GALNT7: variants seen among roughly 807,000 people sequenced by gnomAD.
GALNT7 encodes N-acetylgalactosaminyltransferase 7.
GALNT7 carries 60 observed loss-of-function variants against 82.1 expected under a neutral mutation model. The observed-to-expected ratio is 0.73, with a 90% confidence interval of 0.59 to 0.91. GALNT7 has a LOEUF of 0.91. GALNT7 is among the 40% of genes least tolerant of loss of function. GALNT7 has a pLI of 0.00. For synonymous variants in GALNT7, 243 were observed against 275.1 expected (o/e 0.88, Z 1.15); for missense variants, 660 against 804.2 (o/e 0.82, Z 2.17).
rs71596614 is a variant in GALNT7 at position 173,266,868 on chromosome 4, G to GGTGTGTGT, written c.587+18480_587+18487dup. On this transcript the variant is annotated intron_variant, in intron 2 of 11. Coordinates refer to ENST00000265000, the MANE Select transcript of GALNT7 (RefSeq NM_017423.3). ...ATGACGGCTACCTGAGGCTGGGAAG[G>GGTGTGTGT]GTGTGTGTGTGTGTGTGTGTGTGTG... 8.4e-3 allele frequency among the ~76,000 whole-genome samples: 797 copies of GGTGTGTGT among 95,108 alleles called. 9 individuals carry two copies. The highest frequency in any genetic ancestry group is 0.014 in the East Asian group (39 of 2,840). 62.4% of individuals were successfully genotyped at this position (95,108 alleles called of 152,430 possible).
At chr4:173,238,355 A>G (rs1346262320) in intron 1 of GALNT7, among the ~76,000 whole-genome samples, 1 of 152,218 alleles carries the variant, frequency 6.6e-6, no homozygotes, top group African/African-American at 2.4e-5. Flanking sequence ...TAAAAATGCT[A>G]CTTAGGAGCT....
chr4:173,282,886 G>C (rs537837688), intron 2 of GALNT7, among the ~76,000 whole-genome samples: 1 of 152,252 alleles, frequency 6.6e-6, no homozygotes, highest in South Asian at 2.1e-4. Flanking sequence ...TAGCTTCCTT[G>C]GTTTGACCTT....
At chr4:173,288,442 GACAA>G (rs1047028996) in intron 2 of GALNT7, among the ~76,000 whole-genome samples, 4 of 151,908 alleles carry the variant, frequency 2.6e-5, no homozygotes, top group African/African-American at 9.7e-5. Flanking sequence ...AGAGGTTTTC[GACAA>G]ACAGCCAGCA....
At chr4:173,224,024 A>G (rs953763438) in intron 1 of GALNT7, among the ~76,000 whole-genome samples, 1 of 152,114 alleles carries the variant, frequency 6.6e-6, no homozygotes, top group African/African-American at 2.4e-5. Flanking sequence ...TTTGTAAATA[A>G]CAAACGTGTC....
intron 1 of GALNT7, among the ~76,000 whole-genome samples, chr4:173,237,872 T>C (rs1319292442): frequency 2.6e-5 from 4 of 152,112 alleles, no homozygotes; most frequent in African/African-American, 9.7e-5. Context: ...CTCTTCTAGG[T>C]ACTAAAGTAG....
chr4:173,316,394 C>G (rs1737604040), intron 9 of GALNT7: 1 of 152,300 alleles, frequency 6.6e-6, no homozygotes, highest in South Asian at 2.1e-4. Context: ...TAGCTCCCAC[C>G]CTAACTTCCT....
intron 8 of GALNT7, among the ~76,000 whole-genome samples, chr4:173,313,554 G>A (rs371545404): frequency 1.4e-5 from 2 of 141,340 alleles, no homozygotes; most frequent in Non-Finnish European, 3.0e-5. Flanking sequence ...CTGAATGACA[G>A]AGCAAGACCC....
intron 5 of GALNT7, chr4:173,297,836 A>G (rs1051791834): frequency 3.0e-5 from 44 of 1,477,152 alleles, no homozygotes; most frequent in East Asian, 4.9e-5. Context: ...ATAGATGGGA[A>G]TGATTATTCC....
chr4:173,248,367 G>A lies in GALNT7; in HGVS notation c.514G>A (p.Glu172Lys), dbSNP rs2126739570. The A allele has an allele frequency of 6.2e-7, 1 of 1,613,850 alleles. No individual in the cohort carries two copies. The highest frequency in any genetic ancestry group is 1.3e-5 in the African/African-American group (1 of 75,018). Residue 172 changes from glutamate (E) to lysine (K), a missense_variant, in exon 2 of 12, where the codon GAG (glutamate) becomes AAG (lysine). Glu to Lys is a moderately conservative substitution (Grantham distance 56). Coordinates refer to ENST00000265000, the MANE Select transcript of GALNT7 (RefSeq NM_017423.3). Reference sequence around the variant, plus strand: ...ACAAGCAATTCAAGCCAGCATTAAAGAGTTTGGATTTAACATGGTGGCAAG... The same window carrying A: ...ACAAGCAATTCAAGCCAGCATTAAAAAGTTTGGATTTAACATGGTGGCAAG... ...FKQAIQASIK[E>K]FGFNMVASDM...
intron 1 of GALNT7, among the ~76,000 whole-genome samples, chr4:173,239,659 G>A (rs1038727421): frequency 2.6e-5 from 4 of 152,200 alleles, no homozygotes; most frequent in Non-Finnish European, 4.4e-5. Flanking sequence ...GAACTATTGT[G>A]TAGTTAATGG....
intron 1 of GALNT7, among the ~76,000 whole-genome samples, chr4:173,211,840 G>T (rs1440959041): frequency 6.6e-6 from 1 of 152,128 alleles, no homozygotes; most frequent in African/African-American, 2.4e-5. Flanking sequence ...TAGATACCAA[G>T]GGCTATTATA....
At chr4:173,260,301 CT>C (rs1205501264) in intron 2 of GALNT7, among the ~76,000 whole-genome samples, 2 of 152,182 alleles carry the variant, frequency 1.3e-5, no homozygotes, top group African/African-American at 4.8e-5. Flanking sequence ...ATTTGGAAGT[CT>C]TACTGAGGAC....
intron 1 of GALNT7, among the ~76,000 whole-genome samples, chr4:173,183,898 T>C (rs1256603598): frequency 2.8e-5 from 4 of 140,920 alleles, no homozygotes; most frequent in African/African-American, 1.1e-4. Context: ...GGCTGCCGGG[T>C]GGAGGGGCTC....
intron 1 of GALNT7, among the ~76,000 whole-genome samples, chr4:173,246,521 C>T (rs755251617): frequency 1.3e-5 from 2 of 152,098 alleles, no homozygotes; most frequent in Admixed American, 6.6e-5. Context: ...ACTACATGCC[C>T]TTTTGGATGT....
At position 173,320,037 on chromosome 4, in the gene GALNT7, T is replaced by C. The variant is rs1226664927; in HGVS notation, c.1836+1478T>C. 6.6e-6 allele frequency among the ~76,000 whole-genome samples: 1 copy of C among 152,132 alleles called. No individual in the cohort carries two copies. Among genetic ancestry groups the C allele is most frequent in the Non-Finnish European group, 1.5e-5 (1 of 67,998 alleles). On this transcript the variant is annotated intron_variant, in intron 11 of 11. Transcript: ENST00000265000. The surrounding 1 kb of genome is among the most constrained non-coding windows in gnomAD (Gnocchi z 4.1). Reference sequence around the variant, plus strand: ...TCATTTGGTATCCCTCAATTGTGCTTTGGAGGAAAGAGCACCGAACTTCAT... The same window carrying C: ...TCATTTGGTATCCCTCAATTGTGCTCTGGAGGAAAGAGCACCGAACTTCAT...
intron 2 of GALNT7, among the ~76,000 whole-genome samples, chr4:173,251,475 G>T (rs1054081166): frequency 2.0e-5 from 3 of 152,104 alleles, no homozygotes; most frequent in Non-Finnish European, 4.4e-5. Context: ...GCTTTGATAG[G>T]CTCTGTTGCT....
At chr4:173,184,037 G>A (rs946393370) in intron 1 of GALNT7, among the ~76,000 whole-genome samples, 1 of 150,994 alleles carries the variant, frequency 6.6e-6, no homozygotes, top group Non-Finnish European at 1.5e-5. Context: ...CATTCCAGAC[G>A]ATGGGCGGCC....
chr4:173,308,334 ATTTCAAATAAAC>A (rs1393060866), intron 8 of GALNT7, among the ~76,000 whole-genome samples: 19 of 152,160 alleles, frequency 1.2e-4, no homozygotes, highest in Admixed American at 1.2e-3. Flanking sequence ...CCATGAATAC[ATTTCAAATAAAC>A]TCAAAAAAGT....
rs375870076 is a variant in GALNT7 at position 173,215,566 on chromosome 4, A to G, written c.127-32414A>G. 3.3e-3 allele frequency among the ~76,000 whole-genome samples: 500 copies of G among 152,068 alleles called. 1 individual carries two copies. The highest frequency in any genetic ancestry group is 0.012 in the African/African-American group (480 of 41,492). On this transcript the variant is annotated intron_variant, in intron 1 of 11. Transcript: ENST00000265000. ...TTTTAATGCACCCAAGTCCTGGGGAACCCGACTGGGGATCAGAGCTGTGAG... is the reference window on the plus strand; with the variant it reads ...TTTTAATGCACCCAAGTCCTGGGGAGCCCGACTGGGGATCAGAGCTGTGAG...
Sources: gnomAD v4.1 joint callset for allele counts (sites outside exome capture counted in the v4.1 genomes callset) on GRCh38, gnomAD v4.1.1 for gene constraint, Gnocchi (gnomAD v3.1) non-coding constraint, MANE v1.5 for transcripts, NCBI Gene and HGNC (gene_info 2026-07-23, HGNC 2026-07-21) for gene names.